ZC3H12B: variants seen among roughly 807,000 people sequenced by gnomAD.
ZC3H12B encodes probable ribonuclease ZC3H12B.
A neutral mutation model predicts 43.9 loss-of-function variants in ZC3H12B; 7 were observed. That is an observed-to-expected ratio of 0.16 (90% CI 0.09 to 0.30). ZC3H12B has a LOEUF of 0.30. ZC3H12B is among the 10% of genes least tolerant of loss of function. The pLI is 1.00. For synonymous variants in ZC3H12B, 222 were observed against 241.7 expected, an observed-to-expected ratio of 0.92 and a Z score of 0.76; for missense variants, 475 against 670.2, an observed-to-expected ratio of 0.71 and a Z score of 3.22.
At chrX:65,453,531 G>A (rs1181371785) in intron 3 of ZC3H12B, among the ~76,000 whole-genome samples, 2 of 105,455 alleles carry the variant, frequency 1.9e-5, no homozygotes, top group African/African-American at 6.9e-5. Flanking sequence ...GATCGGCCTA[G>A]TCAACATGGT....
intron 3 of ZC3H12B, among the ~76,000 whole-genome samples, chrX:65,441,712 G>A (rs1257025328): frequency 9.0e-6 from 1 of 111,727 alleles, no homozygotes; most frequent in East Asian, 2.8e-4. Flanking sequence ...TGTCCCTGCT[G>A]GTAAGGGTCC....
chrX:65,255,724 T>G, the ZC3H12B span, among the ~76,000 whole-genome samples: 2 of 111,976 alleles, frequency 1.8e-5, no homozygotes, highest in South Asian at 7.3e-4. Context: ...AATGTCACAA[T>G]TAAAAGGCAC....
At chrX:65,377,050 A>G (rs2066356112) in intron 2 of ZC3H12B, among the ~76,000 whole-genome samples, 1 of 110,347 alleles carries the variant, frequency 9.1e-6, no homozygotes, top group Non-Finnish European at 1.9e-5. Flanking sequence ...TATCAGATAA[A>G]TTTAATAAAA....
chrX:65,155,523 T>A, the ZC3H12B span, among the ~76,000 whole-genome samples: 1 of 111,106 alleles, frequency 9.0e-6, no homozygotes, highest in Admixed American at 9.6e-5. Context: ...ATTTAGTTAT[T>A]GTTCGGTTTT....
the ZC3H12B span, among the ~76,000 whole-genome samples, chrX:65,258,222 A>C: frequency 2.7e-5 from 3 of 111,850 alleles, no homozygotes; most frequent in South Asian, 1.1e-3. Flanking sequence ...ATCCACCACA[A>C]TCAAGCAGGC....
At chrX:65,081,953 A>G in the ZC3H12B span, among the ~76,000 whole-genome samples, 2 of 112,220 alleles carry the variant, frequency 1.8e-5, no homozygotes, top group East Asian at 5.5e-4. Context: ...AAAACTAGTA[A>G]TCGATAACAA....
At chrX:65,178,515 C>T in the ZC3H12B span, among the ~76,000 whole-genome samples, 1 of 112,291 alleles carries the variant, frequency 8.9e-6, no homozygotes, top group African/African-American at 3.2e-5. Context: ...ATCTATCCAT[C>T]TGACAAAGGG....
the ZC3H12B span, among the ~76,000 whole-genome samples, chrX:65,263,525 G>A: frequency 9.0e-6 from 1 of 111,048 alleles, no homozygotes; most frequent in Admixed American, 9.6e-5. Flanking sequence ...CCAGGAAACT[G>A]GAACATTTAC....
At chrX:65,489,080 G>A (rs755609383) in exon 1 of ZC3H12B, 46 of 1,210,259 alleles carry the variant, frequency 3.8e-5, no homozygotes, top group Non-Finnish European at 5.1e-5. Context: ...GTTTCTCCCA[G>A]AGCAGCATTT....
the ZC3H12B span, among the ~76,000 whole-genome samples, chrX:65,275,255 C>T: frequency 8.9e-6 from 1 of 112,680 alleles, no homozygotes; most frequent in Non-Finnish European, 1.9e-5. Flanking sequence ...ATGTTCCAAG[C>T]CAGAGAAACA....
the ZC3H12B span, among the ~76,000 whole-genome samples, chrX:65,299,776 C>A: frequency 8.9e-6 from 1 of 112,273 alleles, no homozygotes; most frequent in Non-Finnish European, 1.9e-5. Flanking sequence ...TCCTCAGACC[C>A]TTTGAAGAAA....
At chrX:65,374,109 G>T (rs1259589099) in intron 2 of ZC3H12B, among the ~76,000 whole-genome samples, 4 of 55,178 alleles carry the variant, frequency 7.2e-5, no homozygotes, top group East Asian at 4.4e-4. Flanking sequence ...CTATATATAG[G>T]TTATATATAA....
chrX:65,237,165 A>G, the ZC3H12B span, among the ~76,000 whole-genome samples: 2 of 111,959 alleles, frequency 1.8e-5, no homozygotes, highest in South Asian at 3.7e-4. Context: ...AATATCAATT[A>G]TTCCTATCCA....
At chrX:65,314,106 A>G in the ZC3H12B span, among the ~76,000 whole-genome samples, 2 of 111,615 alleles carry the variant, frequency 1.8e-5, no homozygotes, top group Non-Finnish European at 3.8e-5. Flanking sequence ...AGAGCAGTAG[A>G]ACTAATGCAT....
intron 3 of ZC3H12B, among the ~76,000 whole-genome samples, chrX:65,400,070 C>A (rs191836572): frequency 9.1e-6 from 1 of 110,179 alleles, no homozygotes; most frequent in African/African-American, 3.3e-5. Flanking sequence ...GGATAGTTAG[C>A]GGGTACAAAA....
At chrX:65,227,339 A>G in the ZC3H12B span, among the ~76,000 whole-genome samples, 1 of 111,821 alleles carries the variant, frequency 8.9e-6, no homozygotes, top group African/African-American at 3.3e-5. Context: ...ACCAATGACA[A>G]CAAAGACACA....
intron 3 of ZC3H12B, among the ~76,000 whole-genome samples, chrX:65,438,376 G>A (rs1208517625): frequency 1.8e-5 from 2 of 110,795 alleles, no homozygotes; most frequent in African/African-American, 6.6e-5. Context: ...CTTTTTTTAT[G>A]TCCTCTTCAA....
At chrX:65,327,007 C>T in the ZC3H12B span, among the ~76,000 whole-genome samples, 90 of 111,185 alleles carry the variant, frequency 8.1e-4, no homozygotes, top group African/African-American at 2.7e-3. Context: ...AAAAGGGAAA[C>T]CTTGTACATT....
intron 3 of ZC3H12B, among the ~76,000 whole-genome samples, chrX:65,459,409 C>G (rs1459517351): frequency 8.1e-5 from 9 of 111,281 alleles, no homozygotes; most frequent in Non-Finnish European, 7.5e-5. Flanking sequence ...AACAAAAAAA[C>G]GGAATTTTAG....
Sources: gnomAD v4.1 joint callset for allele counts (sites outside exome capture counted in the v4.1 genomes callset) on GRCh38, gnomAD v4.1.1 for gene constraint, MANE v1.5 for transcripts, NCBI Gene and HGNC (gene_info 2026-07-23, HGNC 2026-07-21) for gene names.